VAV3: variants seen among roughly 807,000 people sequenced by gnomAD.
VAV3 encodes vav guanine nucleotide exchange factor 3, also known as guanine nucleotide exchange factor VAV3.
In VAV3, 94 loss-of-function variants were observed where a neutral mutation model predicts 131.2. The observed-to-expected ratio is 0.72, with a 90% confidence interval of 0.61 to 0.85. VAV3 has a LOEUF of 0.85. VAV3 is among the 40% of genes least tolerant of loss of function. The probability of loss-of-function intolerance (pLI) is 0.00; values close to 1 mark genes in which losing one functional copy is unlikely to be tolerated. For missense variants in VAV3, 939 were observed against 1,002.7 expected (o/e 0.94, Z 0.86); for synonymous variants, 349 against 342.0 (o/e 1.02, Z -0.22).
At chr1:107,750,024 T>C (rs1284921992) in intron 13 of VAV3, among the ~76,000 whole-genome samples, 1 of 151,344 alleles carries the variant, frequency 6.6e-6, no homozygotes, top group African/African-American at 2.4e-5. Flanking sequence ...TGTTCATCCC[T>C]TTCACAAACA....
chr1:107,793,051 T>C (rs1156299860), intron 2 of VAV3, among the ~76,000 whole-genome samples: 1 of 152,194 alleles, frequency 6.6e-6, no homozygotes, highest in African/African-American at 2.4e-5. Flanking sequence ...TTATATGTTA[T>C]ACATATGCAT....
chr1:107,783,536 GAAAA>G (rs1665814696), intron 2 of VAV3, among the ~76,000 whole-genome samples: 1 of 152,124 alleles, frequency 6.6e-6, no homozygotes, highest in Non-Finnish European at 1.5e-5. Context: ...CCGCCTACCA[GAAAA>G]GCCTCCAGGA....
chr1:107,834,641 G>T (rs1668393246), intron 2 of VAV3, among the ~76,000 whole-genome samples: 1 of 151,380 alleles, frequency 6.6e-6, no homozygotes, highest in Non-Finnish European at 1.5e-5. Flanking sequence ...ATGCAGCCAG[G>T]AAGCCCCTCT....
chr1:107,836,214 A>T (rs1318962698), intron 2 of VAV3, among the ~76,000 whole-genome samples: 2 of 151,568 alleles, frequency 1.3e-5, no homozygotes, highest in African/African-American at 4.9e-5. Flanking sequence ...CAACCCAACA[A>T]TCACAGAATA....
chr1:107,764,797 C>G (rs1224181780), intron 9 of VAV3, among the ~76,000 whole-genome samples: 1 of 152,166 alleles, frequency 6.6e-6, no homozygotes, highest in African/African-American at 2.4e-5. Context: ...CTTCAGCTTT[C>G]TCATAAGATG....
intron 2 of VAV3, among the ~76,000 whole-genome samples, chr1:107,869,702 G>A (rs345322): frequency 0.022 from 3,312 of 152,260 alleles, 64 homozygotes; most frequent in South Asian, 0.057. Flanking sequence ...TTGGTTACAT[G>A]AGTAAGTTAT....
chr1:107,608,953 T>C (rs1041731053), intron 22 of VAV3, among the ~76,000 whole-genome samples: 6 of 152,152 alleles, frequency 3.9e-5, no homozygotes. Flanking sequence ...AAACACAAAA[T>C]TCAGGAAAAC....
chr1:107,914,619 A>C (rs1375587941), intron 1 of VAV3, among the ~76,000 whole-genome samples: 1 of 152,224 alleles, frequency 6.6e-6, no homozygotes, highest in Non-Finnish European at 1.5e-5. Context: ...TGCCTCCTCC[A>C]TCTGCCTTTC....
chr1:107,938,698 T>A (rs1673842083), intron 1 of VAV3, among the ~76,000 whole-genome samples: 1 of 152,170 alleles, frequency 6.6e-6, no homozygotes, highest in African/African-American at 2.4e-5. Context: ...ACTCAAATAT[T>A]CTCATGTCAA....
chr1:107,957,039 G>A (rs1674848084), intron 1 of VAV3, among the ~76,000 whole-genome samples: 1 of 152,116 alleles, frequency 6.6e-6, no homozygotes, highest in Non-Finnish European at 1.5e-5. Context: ...CAAAAGAAAG[G>A]GGTATTAAGA....
chr1:107,828,945 T>C (rs997356569), intron 2 of VAV3, among the ~76,000 whole-genome samples: 6 of 152,174 alleles, frequency 3.9e-5, no homozygotes, highest in African/African-American at 7.2e-5. Flanking sequence ...AAGTCTGAAC[T>C]ACATCATTTG....
chr1:107,759,276 A>C (rs761038608), intron 10 of VAV3, among the ~76,000 whole-genome samples: 17 of 152,230 alleles, frequency 1.1e-4, no homozygotes, highest in Non-Finnish European at 1.5e-4. Flanking sequence ...ACTTAAAGAC[A>C]GAATCTATTA....
rs1411016474 is a variant in VAV3 at position 107,827,025 on chromosome 1, G to A, written c.322-47533C>T. Among the ~76,000 whole-genome samples the A allele has an allele frequency of 3.3e-5, 5 of 152,090 alleles. No individual in the cohort carries two copies. The East Asian group carries it at 9.7e-4, about 29-fold the overall frequency. On this transcript the variant is annotated intron_variant, in intron 2 of 26. Coordinates refer to ENST00000370056, the MANE Select transcript of VAV3 (RefSeq NM_006113.5). ...GTAAAAAAATATGAATGACCTAAAAGTTAGTATGCTGTAATAGTTTCTCAT... is the reference window on the plus strand; with the variant it reads ...GTAAAAAAATATGAATGACCTAAAAATTAGTATGCTGTAATAGTTTCTCAT...
intron 2 of VAV3, among the ~76,000 whole-genome samples, chr1:107,863,682 A>C (rs1669851174): frequency 6.6e-6 from 1 of 152,226 alleles, no homozygotes. Context: ...ATAGATACGT[A>C]TATCTTGGTA....
intron 2 of VAV3, among the ~76,000 whole-genome samples, chr1:107,813,195 T>C (rs1444270741): frequency 6.6e-6 from 1 of 150,806 alleles, no homozygotes; most frequent in Non-Finnish European, 1.5e-5. Flanking sequence ...TTACAAATAA[T>C]TAAGTATCAA....
At chr1:107,785,358 G>GA in intron 2 of VAV3, 3 of 1,128,060 alleles carry the variant, frequency 2.7e-6, no homozygotes, top group Non-Finnish European at 3.4e-6. Flanking sequence ...TCTCTATTCT[G>GA]AAATCTCACC....
intron 18 of VAV3, 48 bp from the exon 19 acceptor site, chr1:107,683,581 T>C (rs1291967245): frequency 1.2e-6 from 2 of 1,600,360 alleles, no homozygotes; most frequent in South Asian, 1.1e-5. Context: ...GTTGGTAATT[T>C]TGCACTATTA....
chr1:107,738,357 A>AAAAAG (rs571480157), intron 15 of VAV3, among the ~76,000 whole-genome samples: 2 of 152,250 alleles, frequency 1.3e-5, no homozygotes, highest in Admixed American at 1.3e-4. Flanking sequence ...GCATATTAAA[A>AAAAAG]AAAAGAAAAG....
intron 20 of VAV3, among the ~76,000 whole-genome samples, chr1:107,625,910 G>T (rs192219820): frequency 6.6e-6 from 1 of 151,980 alleles, no homozygotes; most frequent in African/African-American, 2.4e-5. Flanking sequence ...CAAACTTTTA[G>T]TCATTATGGC....
Sources: allele counts gnomAD v4.1 joint callset (sites outside exome capture counted in the v4.1 genomes callset), GRCh38; gene constraint gnomAD v4.1.1; transcripts MANE v1.5; gene names NCBI Gene and HGNC (gene_info 2026-07-23, HGNC 2026-07-21).